The following DNAH12 variants were observed in gnomAD, a reference collection of about 807,000 sequenced individuals.
DNAH12 encodes the protein axonemal beta dynein heavy chain 12.
DNAH12 carries 285 observed loss-of-function variants against 371.5 expected under a neutral mutation model. That is an observed-to-expected ratio of 0.77 (90% CI 0.70 to 0.85). The LOEUF is 0.85. Among genes scored for constraint, DNAH12 ranks in the 40% least tolerant of loss-of-function variants. The pLI, the probability that DNAH12 is intolerant of heterozygous loss-of-function variation, is 0.00. For missense variants in DNAH12, 3,611 were observed against 3,689.4 expected (o/e 0.98, Z 0.55); for synonymous variants, 1,200 against 1,213.0 (o/e 0.99, Z 0.22).
At chr3:57,294,176 C>CTTTTCT (rs1358303752) in intron 73 of DNAH12, among the ~76,000 whole-genome samples, 5 of 129,104 alleles carry the variant, frequency 3.9e-5, no homozygotes, top group African/African-American at 5.9e-5. Context: ...CTTTTCTTTT[C>CTTTTCT]TTTTTTTTTT....
intron 11 of DNAH12, among the ~76,000 whole-genome samples, chr3:57,495,917 C>A (rs1377372794): frequency 5.2e-5 from 7 of 135,478 alleles, no homozygotes; most frequent in African/African-American, 1.7e-4. Flanking sequence ...AAATATATTT[C>A]TATATTTATA....
rs541746150 is a variant in DNAH12 at position 57,314,025 on chromosome 3, C to G, written c.10662+469G>C. Reference sequence around the variant, plus strand: ...CCAGCTGTCTTGGTGATACTTTGAGCTACCCAATATCCTTTCAATAAATTA... The same window carrying G: ...CCAGCTGTCTTGGTGATACTTTGAGGTACCCAATATCCTTTCAATAAATTA... On this transcript the variant is annotated intron_variant, in intron 66 of 73. Transcript: ENST00000495027. Among the ~76,000 whole-genome samples the G allele has an allele frequency of 2.4e-4, 37 of 152,256 alleles. 1 individual carries two copies. The highest frequency in any genetic ancestry group is 8.7e-4 in the African/African-American group (36 of 41,560).
chr3:57,407,281 G>A (rs1481122593), intron 40 of DNAH12, among the ~76,000 whole-genome samples: 160 of 133,474 alleles, frequency 1.2e-3, no homozygotes, highest in Admixed American at 1.2e-3. Flanking sequence ...TTCAAAGACA[G>A]AAAAAAAAAA....
At chr3:57,447,063 C>T (rs1436278311) in intron 25 of DNAH12, among the ~76,000 whole-genome samples, 1 of 152,028 alleles carries the variant, frequency 6.6e-6, no homozygotes, top group Admixed American at 6.6e-5. Context: ...GGTAAAACAC[C>T]AGAAAGTGAG....
At chr3:57,422,387 G>A (rs998163194) in intron 35 of DNAH12, among the ~76,000 whole-genome samples, 1 of 151,918 alleles carries the variant, frequency 6.6e-6, no homozygotes, top group African/African-American at 2.4e-5. Context: ...ACCACCACGG[G>A]GTTTCACCAT....
chr3:57,296,534 CTA>C (rs1344396129), intron 71 of DNAH12, 99 bp from the exon 72 acceptor site: 3 of 935,298 alleles, frequency 3.2e-6, no homozygotes, highest in Non-Finnish European at 3.2e-6. Context: ...CAGGGAAACT[CTA>C]TTGTATAATA....
intron 58 of DNAH12, among the ~76,000 whole-genome samples, chr3:57,362,822 T>C (rs1386866831): frequency 1.3e-5 from 2 of 152,238 alleles, no homozygotes; most frequent in Non-Finnish European, 2.9e-5. Context: ...GTAGGTTGCC[T>C]GTTCACTCTG....
At chr3:57,392,602 AAACAAAC>A (rs1353060026) in intron 44 of DNAH12, among the ~76,000 whole-genome samples, 1 of 151,972 alleles carries the variant, frequency 6.6e-6, no homozygotes, top group Non-Finnish European at 1.5e-5. Context: ...ACAAAAACAA[AAACAAAC>A]AACAAAAAAA....
At chr3:57,316,531 G>A (rs2061689182) in intron 65 of DNAH12, among the ~76,000 whole-genome samples, 1 of 152,026 alleles carries the variant, frequency 6.6e-6, no homozygotes, top group South Asian at 2.1e-4. Flanking sequence ...TGTCCTGGGT[G>A]CCAAATCCCA....
At chr3:57,321,184 A>T (rs979337242) in intron 65 of DNAH12, among the ~76,000 whole-genome samples, 1 of 152,128 alleles carries the variant, frequency 6.6e-6, no homozygotes, top group Admixed American at 6.5e-5. Context: ...CTGGATGAGG[A>T]TTAGACACCA....
chr3:57,308,887 A>G (rs991562216), intron 69 of DNAH12, among the ~76,000 whole-genome samples: 1 of 151,944 alleles, frequency 6.6e-6, no homozygotes, highest in Non-Finnish European at 1.5e-5. Context: ...GCCATCACCA[A>G]TAATTCTGTA....
intron 69 of DNAH12, among the ~76,000 whole-genome samples, chr3:57,305,481 C>T (rs951912698): frequency 1.3e-5 from 2 of 152,310 alleles, no homozygotes; most frequent in East Asian, 1.9e-4. Flanking sequence ...AGCCCTCCCC[C>T]TCCTGCCCAG....
upstream of DNAH12, among the ~76,000 whole-genome samples, chr3:57,548,012 C>A (rs2069591790): frequency 1.3e-5 from 2 of 152,120 alleles, no homozygotes; most frequent in South Asian, 4.1e-4. Flanking sequence ...TAGAATAAAG[C>A]AATTTACTAC....
intron 46 of DNAH12, among the ~76,000 whole-genome samples, 188 bp downstream of exon 46, chr3:57,386,898 T>C (rs1375888802): frequency 1.3e-5 from 2 of 152,158 alleles, no homozygotes; most frequent in Admixed American, 6.5e-5. Context: ...CAAGAAAGAA[T>C]CAGACTATTT....
intron 19 of DNAH12, among the ~76,000 whole-genome samples, chr3:57,461,201 A>G (rs547567513): frequency 6.6e-6 from 1 of 152,286 alleles, no homozygotes; most frequent in East Asian, 1.9e-4. Context: ...AAGTTAGAAT[A>G]AGTAATACCA....
chr3:57,334,509 C>A lies in DNAH12; in HGVS notation c.9934G>T (p.Glu3312Ter), dbSNP rs369907750. ...CGAAGAATTATTATTTTCTGTAGTT[C>A]ATTTAGGTTCTTATCCATTGGTGCT... Reference protein sequence around the residue: ...FPAPMDKNLNELQKIIILRCL... With the variant: ...FPAPMDKNLN The change falls in exon 62 of 74, where the codon GAA (glutamate) becomes TAA (stop). Residue 3312 changes from glutamate (E) to a stop codon, truncating the protein, a stop_gained. Coordinates refer to ENST00000495027, the MANE Select transcript of DNAH12 (RefSeq NM_001366028.2). LOFTEE classifies it high-confidence loss of function. The A allele has an allele frequency of 4.6e-5, 71 of 1,550,654 alleles. No homozygotes were observed. The highest frequency in any genetic ancestry group is 6.8e-5 in the African/African-American group (5 of 73,138).
Position 57,433,708 on chromosome 3 carries a change from A to C in DNAH12, c.4776T>G (p.Thr1592=). The C allele has an allele frequency of 6.4e-7, 1 of 1,551,410 alleles. No individual in the cohort carries two copies. Among genetic ancestry groups the C allele is most frequent in the Non-Finnish European group, 8.7e-7 (1 of 1,146,936 alleles). Residue 1592 remains threonine, a synonymous_variant, in exon 31 of 74, where the codon ACT becomes ACG. Coordinates refer to ENST00000495027, the MANE Select transcript of DNAH12 (RefSeq NM_001366028.2). The stretch of plus-strand genomic sequence containing the variant: ...CCATAGTAATAGATTTGGGGTTTAC[A>C]GTTCTATAAATGACCTTTTCTTCCT... ...YGEEEKVIYR[T]VNPKSITMGQ...
At chr3:57,385,611 G>T (rs1289385939) in intron 47 of DNAH12, among the ~76,000 whole-genome samples, 182 bp from the exon 48 acceptor site, 1 of 152,216 alleles carries the variant, frequency 6.6e-6, no homozygotes, top group Non-Finnish European at 1.5e-5. Context: ...GCCAAGCACG[G>T]TGGCTCACAT....
At chr3:57,447,360 G>A (rs1575612001) in intron 25 of DNAH12, among the ~76,000 whole-genome samples, 1 of 152,118 alleles carries the variant, frequency 6.6e-6, no homozygotes, top group African/African-American at 2.4e-5. Flanking sequence ...AATAGTGGCT[G>A]GAAATTTTTA....
Sources: allele counts gnomAD v4.1 joint callset (sites outside exome capture counted in the v4.1 genomes callset), GRCh38; gene constraint gnomAD v4.1.1; transcripts MANE v1.5; gene names NCBI Gene and HGNC (gene_info 2026-07-23, HGNC 2026-07-21).